Variants in GLIS1 observed in about 807,000 individuals in gnomAD.
GLIS1 encodes the protein zinc finger protein GLIS1.
In GLIS1, 24 loss-of-function variants were observed where a neutral mutation model predicts 63.8. That is an observed-to-expected ratio of 0.38 (90% CI 0.27 to 0.53). The LOEUF (loss-of-function observed/expected upper bound fraction) is 0.53. Among genes scored for constraint, GLIS1 ranks in the 20% least tolerant of loss-of-function variants. The pLI, the probability that GLIS1 is intolerant of heterozygous loss-of-function variation, is 0.85. For missense variants in GLIS1, 1,036 were observed against 1,074.1 expected (o/e 0.96, Z 0.50); for synonymous variants, 450 against 482.5 (o/e 0.93, Z 0.88).
At chr1:53,707,246 T>C (rs1460097938) in intron 2 of GLIS1, among the ~76,000 whole-genome samples, 1 of 152,148 alleles carries the variant, frequency 6.6e-6, no homozygotes, top group African/African-American at 2.4e-5. Context: ...AGAGCTCAAG[T>C]CCCGGCTGCC....
At chr1:53,507,181 C>G (rs996460690) in intron 10 of GLIS1, among the ~76,000 whole-genome samples, 1 of 152,188 alleles carries the variant, frequency 6.6e-6, no homozygotes, top group Non-Finnish European at 1.5e-5. Context: ...GTTGTATCCC[C>G]CAACCAGACT....
At chr1:53,614,788 A>ACACG (rs780495715) in intron 2 of GLIS1, among the ~76,000 whole-genome samples, 2 of 139,732 alleles carry the variant, frequency 1.4e-5, no homozygotes, top group Admixed American at 1.4e-4. Context: ...TTGTTCTCTC[A>ACACG]CACGCACACA....
At chr1:53,680,883 G>A in intron 2 of GLIS1, among the ~76,000 whole-genome samples, 1 of 152,186 alleles carries the variant, frequency 6.6e-6, no homozygotes, top group East Asian at 1.9e-4. Flanking sequence ...AATTGACTGT[G>A]GACAAGAGCT....
chr1:53,520,952 G>T (rs1644402193), intron 6 of GLIS1, among the ~76,000 whole-genome samples, 186 bp from the exon 7 acceptor site: 1 of 152,246 alleles, frequency 6.6e-6, no homozygotes, highest in South Asian at 2.1e-4. Flanking sequence ...GTTAGTCCAG[G>T]TCCTTTGAGA....
intron 4 of GLIS1, among the ~76,000 whole-genome samples, chr1:53,536,008 G>A (rs535350314): frequency 1.2e-4 from 19 of 152,198 alleles, no homozygotes; most frequent in African/African-American, 3.9e-4. Context: ...TTCCCGACCC[G>A]ATGAATCAGG....
intron 4 of GLIS1, among the ~76,000 whole-genome samples, chr1:53,589,147 C>T (rs911447582): frequency 1.3e-5 from 2 of 151,742 alleles, no homozygotes; most frequent in African/African-American, 4.8e-5. Context: ...GCTCTGTCAC[C>T]CAGGCTGGAG....
intron 4 of GLIS1, among the ~76,000 whole-genome samples, chr1:53,566,752 C>T (rs1222034750): frequency 6.6e-6 from 1 of 152,180 alleles, no homozygotes; most frequent in Non-Finnish European, 1.5e-5. Context: ...TCTCTCTTTC[C>T]TGCTCCACCA....
At chr1:53,508,935 G>A (rs1444890591) in intron 10 of GLIS1, among the ~76,000 whole-genome samples, 185 bp downstream of exon 10, 2 of 152,242 alleles carry the variant, frequency 1.3e-5, no homozygotes, top group African/African-American at 4.8e-5. Context: ...TTTCCAGTCA[G>A]GCAGGTACAG....
chr1:53,647,649 G>A (rs1645860892), intron 2 of GLIS1, among the ~76,000 whole-genome samples: 2 of 150,856 alleles, frequency 1.3e-5, no homozygotes, highest in African/African-American at 5.0e-5. Context: ...TTGTATAGGA[G>A]ACTATTTTCA....
At chr1:53,661,847 C>T (rs1247304303) in intron 2 of GLIS1, among the ~76,000 whole-genome samples, 1 of 152,190 alleles carries the variant, frequency 6.6e-6, no homozygotes, top group Admixed American at 6.5e-5. Flanking sequence ...CAGATGAGAA[C>T]TCAGTGAAGA....
intron 2 of GLIS1, among the ~76,000 whole-genome samples, chr1:53,698,018 T>A (rs1441380112): frequency 6.6e-6 from 1 of 152,102 alleles, no homozygotes; most frequent in Non-Finnish European, 1.5e-5. Flanking sequence ...TCCACATCCG[T>A]TTCCTGACAT....
At chr1:53,727,941 T>A (rs900232241) in intron 2 of GLIS1, among the ~76,000 whole-genome samples, 8 of 152,224 alleles carry the variant, frequency 5.3e-5, no homozygotes, top group Non-Finnish European at 1.2e-4. Context: ...TGTTGAGAGC[T>A]TACCATATGT....
In GLIS1 at chr1:53,689,489, T is replaced by C. The variant is rs532362265; in HGVS notation, c.259+48317A>G. Among the ~76,000 whole-genome samples the C allele has an allele frequency of 3.9e-5, 6 of 152,184 alleles. No homozygotes were observed. The South Asian group carries it at 1.0e-3, about 26-fold the overall frequency. The stretch of plus-strand genomic sequence containing the variant: ...CTTCCCACCCAGAAACATCCTGAGC[T>C]GAGAGCCGGCCAGACCAGAGCAAGT... On this transcript the variant is annotated intron_variant, in intron 2 of 10. Coordinates refer to ENST00000628545, the MANE Select transcript of GLIS1 (RefSeq NM_001367484.1).
At chr1:53,554,851 C>T (rs1041398909) in intron 4 of GLIS1, among the ~76,000 whole-genome samples, 2 of 152,204 alleles carry the variant, frequency 1.3e-5, no homozygotes, top group Non-Finnish European at 2.9e-5. Flanking sequence ...GCTGAGGCCA[C>T]TTCTGAAGGA....
intron 2 of GLIS1, among the ~76,000 whole-genome samples, chr1:53,657,622 G>C (rs2100349420): frequency 6.6e-6 from 1 of 152,236 alleles, no homozygotes; most frequent in South Asian, 2.1e-4. Context: ...ATGTGGAGGG[G>C]GAGAGGACCG....
intron 2 of GLIS1, among the ~76,000 whole-genome samples, chr1:53,664,926 A>G (rs942794627): frequency 1.3e-5 from 2 of 152,096 alleles, no homozygotes; most frequent in African/African-American, 4.8e-5. Flanking sequence ...TGTGAGGGTG[A>G]GCAAGGAGGC....
chr1:53,649,819 C>T (rs2177954), intron 2 of GLIS1, among the ~76,000 whole-genome samples: 3,205 of 152,210 alleles, frequency 0.021, 107 homozygotes, highest in African/African-American at 0.072. Context: ...GGATGTAATC[C>T]ATATAACATA....
intron 4 of GLIS1, among the ~76,000 whole-genome samples, chr1:53,569,669 A>T (rs1362382917): frequency 6.6e-6 from 1 of 152,174 alleles, no homozygotes; most frequent in Non-Finnish European, 1.5e-5. Context: ...CTTTATTCAC[A>T]TCTATGAAAG....
In GLIS1 at chr1:53,510,005, G is replaced by A. The variant is rs778296066; in HGVS notation, c.1906C>T (p.Pro636Ser). The change falls in exon 9 of 11, where the codon CCA becomes TCA. Residue 636 changes from proline (P) to serine (S), a missense_variant. By Grantham distance (74) the Pro-to-Ser change is moderately conservative. Coordinates refer to ENST00000628545, the MANE Select transcript of GLIS1 (RefSeq NM_001367484.1). ...AGCCCCTTCAGGGGGCTGACTATTGGTGAGAGGAGGCCGGGCCCCAACCTG... is the reference window on the plus strand; with the variant it reads ...AGCCCCTTCAGGGGGCTGACTATTGATGAGAGGAGGCCGGGCCCCAACCTG... ...RDGLGPGLLS[P>S]IVSPLKGLGP... The A allele has an allele frequency of 1.6e-5, 21 of 1,278,546 alleles. No homozygotes were observed. In the East Asian group the frequency reaches 6.1e-4, roughly 37 times the overall value. 79.2% of individuals were successfully genotyped at this position (1,278,546 alleles called of 1,614,324 possible).
Sources: allele counts gnomAD v4.1 joint callset (sites outside exome capture counted in the v4.1 genomes callset), GRCh38; gene constraint gnomAD v4.1.1; transcripts MANE v1.5; gene names NCBI Gene and HGNC (gene_info 2026-07-23, HGNC 2026-07-21).